Variants in COBLL1 observed in about 807,000 individuals in gnomAD.
COBLL1 encodes cordon-bleu protein-like 1.
COBLL1 carries 50 observed loss-of-function variants against 94.8 expected under a neutral mutation model. The observed-to-expected ratio is 0.53, with a 90% CI of 0.42 to 0.67. The LOEUF (loss-of-function observed/expected upper bound fraction) is 0.67, where lower values mean the gene tolerates loss of function less well. COBLL1 is among the 30% of genes least tolerant of loss of function. The pLI, the probability that COBLL1 is intolerant of heterozygous loss-of-function variation, is 0.00. For synonymous variants in COBLL1, 448 were observed against 473.8 expected (o/e 0.95, Z 0.71); for missense variants, 1,362 against 1,348.7 (o/e 1.01, Z -0.15).
intron 2 of COBLL1, among the ~76,000 whole-genome samples, chr2:164,825,215 AC>A (rs1685366308): frequency 6.6e-6 from 1 of 152,054 alleles, no homozygotes; most frequent in African/African-American, 2.4e-5. Flanking sequence ...AATTACTGTG[AC>A]CCTGATACTT....
At chr2:164,810,158 C>A (rs1281308545) in intron 2 of COBLL1, among the ~76,000 whole-genome samples, 1 of 151,460 alleles carries the variant, frequency 6.6e-6, no homozygotes, top group Non-Finnish European at 1.5e-5. Flanking sequence ...ACCTATAATT[C>A]TAGTAAAAAG....
At chr2:164,793,684 A>G (rs1683301736) in intron 2 of COBLL1, among the ~76,000 whole-genome samples, 1 of 152,336 alleles carries the variant, frequency 6.6e-6, no homozygotes, top group East Asian at 1.9e-4. Context: ...CCTTTCCAAT[A>G]TTAACAGGTC....
At chr2:164,786,447 T>C (rs1027746640) in intron 2 of COBLL1, among the ~76,000 whole-genome samples, 4 of 152,106 alleles carry the variant, frequency 2.6e-5, no homozygotes, top group African/African-American at 9.7e-5. Context: ...GAACTTGAGA[T>C]GTTGAAGTAG....
intron 2 of COBLL1, among the ~76,000 whole-genome samples, chr2:164,826,918 C>T (rs1391302959): frequency 6.7e-6 from 1 of 150,174 alleles, no homozygotes; most frequent in Non-Finnish European, 1.5e-5. Context: ...GTTTCTCTCT[C>T]TTTTTTGTTT....
intron 2 of COBLL1, among the ~76,000 whole-genome samples, chr2:164,789,875 A>T (rs1683095705): frequency 6.6e-6 from 1 of 152,230 alleles, no homozygotes; most frequent in Admixed American, 6.5e-5. Context: ...AAATTGATAG[A>T]TATTTTACAC....
intron 2 of COBLL1, among the ~76,000 whole-genome samples, chr2:164,749,562 C>G (rs921258814): frequency 2.6e-5 from 4 of 152,124 alleles, no homozygotes; most frequent in East Asian, 1.9e-4. Flanking sequence ...CACGATTTCT[C>G]AGTTTCTCTG....
intron 13 of COBLL1, among the ~76,000 whole-genome samples, chr2:164,690,792 T>A (rs186503270): frequency 5.9e-5 from 9 of 152,150 alleles, no homozygotes; most frequent in African/African-American, 2.2e-4. Flanking sequence ...TTGTTACTTA[T>A]GTGCTTTAAA....
intron 7 of COBLL1, among the ~76,000 whole-genome samples, chr2:164,710,952 C>A (rs1684868411): frequency 6.6e-6 from 1 of 152,168 alleles, no homozygotes; most frequent in Non-Finnish European, 1.5e-5. Context: ...TTGCATTCAT[C>A]AGAGCTAAAC....
chr2:164,837,700 T>C (rs1261215133), intron 2 of COBLL1, among the ~76,000 whole-genome samples: 1 of 149,434 alleles, frequency 6.7e-6, no homozygotes, highest in Non-Finnish European at 1.5e-5. Context: ...TAATTATATA[T>C]GAATGTACAT....
intron 2 of COBLL1, among the ~76,000 whole-genome samples, chr2:164,663,581 A>T (rs887406116): frequency 6.6e-6 from 1 of 152,226 alleles, no homozygotes; most frequent in African/African-American, 2.4e-5. Context: ...TGGATAAAGA[A>T]TATGTGGTAC....
At chr2:164,734,689 GAC>G (rs1686206603) in intron 3 of COBLL1, among the ~76,000 whole-genome samples, 3 of 152,176 alleles carry the variant, frequency 2.0e-5, no homozygotes, top group African/African-American at 7.2e-5. Flanking sequence ...GCAGAAAGGA[GAC>G]AGAGACAGAA....
At chr2:164,830,051 G>A (rs1682996325) in intron 2 of COBLL1, among the ~76,000 whole-genome samples, 1 of 152,232 alleles carries the variant, frequency 6.6e-6, no homozygotes, top group South Asian at 2.1e-4. Flanking sequence ...TTCAGCCACT[G>A]AGTGGCAACT....
chr2:164,734,277 T>C (rs763315356), intron 3 of COBLL1, among the ~76,000 whole-genome samples: 3 of 150,202 alleles, frequency 2.0e-5, no homozygotes, highest in Admixed American at 6.6e-5. Context: ...GACACCAGAA[T>C]TGAGACCTTG....
chr2:164,707,533 C>G (rs1041638911), intron 7 of COBLL1, among the ~76,000 whole-genome samples: 11 of 152,278 alleles, frequency 7.2e-5, no homozygotes, highest in African/African-American at 2.6e-4. Context: ...TTTAATTGCT[C>G]TCTAACATAC....
intron 2 of COBLL1, among the ~76,000 whole-genome samples, chr2:164,775,734 G>A (rs1356634229): frequency 1.3e-5 from 2 of 152,114 alleles, no homozygotes; most frequent in African/African-American, 2.4e-5. Context: ...GATTACAGGC[G>A]TGAGCCACGG....
At chr2:164,813,868 A>C (rs1271822076) in intron 2 of COBLL1, among the ~76,000 whole-genome samples, 1 of 152,190 alleles carries the variant, frequency 6.6e-6, no homozygotes, top group East Asian at 1.9e-4. Flanking sequence ...TTAAGATCTT[A>C]CCAGCATGTG....
At chr2:164,818,042 C>T (rs560427229) in intron 2 of COBLL1, among the ~76,000 whole-genome samples, 13 of 151,842 alleles carry the variant, frequency 8.6e-5, no homozygotes, top group Admixed American at 5.9e-4. Context: ...ATGAAGATAT[C>T]AATCCTTATT....
At chr2:164,743,220 C>A (rs1243390878) in intron 3 of COBLL1, 1 of 152,462 alleles carries the variant, frequency 6.6e-6, no homozygotes. Flanking sequence ...TTGATACATA[C>A]AAAAGTATTA....
chr2:164,667,946 C>CTTTTTTTTT (rs1170450391), intron 1 of COBLL1, among the ~76,000 whole-genome samples: 1 of 132,870 alleles, frequency 7.5e-6, no homozygotes, highest in Non-Finnish European at 1.6e-5. Context: ...TCTCGGCTTT[C>CTTTTTTTTT]TTTTTTTTTT....
Sources: gnomAD v4.1 joint callset for allele counts (sites outside exome capture counted in the v4.1 genomes callset) on GRCh38, gnomAD v4.1.1 for gene constraint, MANE v1.5 for transcripts, NCBI Gene and HGNC (gene_info 2026-07-23, HGNC 2026-07-21) for gene names.